Variants in PLCB4 observed in about 807,000 individuals in gnomAD.
PLCB4 encodes the protein phospholipase C beta 4, also known as 1-phosphatidylinositol 4,5-bisphosphate phosphodiesterase beta-4.
PLCB4 carries 77 observed loss-of-function variants against 178.8 expected under a neutral mutation model. The ratio of observed to expected loss-of-function variants is 0.43; its 90% CI spans 0.36 to 0.52. The LOEUF is 0.52. Ranked by LOEUF, PLCB4 falls within the 20% of genes least tolerant of loss-of-function variation. The pLI is 0.00. For missense variants in PLCB4, 1,024 were observed against 1,453.4 expected, an observed-to-expected ratio of 0.70 and a Z score of 4.80; for synonymous variants, 496 against 490.8, an observed-to-expected ratio of 1.01 and a Z score of -0.14.
chr20:9,200,670 T>C (rs1014444783), intron 2 of PLCB4, among the ~76,000 whole-genome samples: 3 of 152,178 alleles, frequency 2.0e-5, no homozygotes, highest in African/African-American at 7.2e-5. Context: ...CGTTGGTCTC[T>C]TCACCCTTGC....
chr20:9,146,938 T>G (rs927654444), intron 2 of PLCB4, among the ~76,000 whole-genome samples: 1 of 152,176 alleles, frequency 6.6e-6, no homozygotes, highest in African/African-American at 2.4e-5. Flanking sequence ...AACATTTATC[T>G]TTTATTTCTT....
rs1273732667 is a variant in PLCB4, at chr20:9,100,384, T to C, written c.-79+4042T>C. Reference sequence around the variant, plus strand: ...TTTAATTTTATTTGTTATTGTTAATTTTTTTTAGAGACAGGGTCTTGCTCT... The same window carrying C: ...TTTAATTTTATTTGTTATTGTTAATCTTTTTTAGAGACAGGGTCTTGCTCT... On this transcript the variant is annotated intron_variant, in intron 2 of 39. Coordinates refer to ENST00000378473, the MANE Select transcript of PLCB4 (RefSeq NM_001377142.1). Among the ~76,000 whole-genome samples, 4 of 152,300 alleles carry C rather than the reference T, an allele frequency of 2.6e-5. No homozygotes were observed. The East Asian group carries it at 7.7e-4, about 29-fold the overall frequency.
At chr20:9,452,716 C>G (rs933593427) in intron 32 of PLCB4, among the ~76,000 whole-genome samples, 2 of 152,108 alleles carry the variant, frequency 1.3e-5, no homozygotes, top group African/African-American at 2.4e-5. Flanking sequence ...ATCTGTAAAA[C>G]AGAAGGCCAT....
intron 12 of PLCB4, among the ~76,000 whole-genome samples, chr20:9,378,828 A>G (rs1225624857): frequency 1.3e-5 from 2 of 152,132 alleles, no homozygotes; most frequent in Admixed American, 6.6e-5. Flanking sequence ...CCCCATATGC[A>G]TGAGGAAATG....
intron 2 of PLCB4, among the ~76,000 whole-genome samples, chr20:9,146,398 G>T (rs996231067): frequency 6.6e-6 from 1 of 152,138 alleles, no homozygotes; most frequent in Non-Finnish European, 1.5e-5. Flanking sequence ...AAGACTAGGG[G>T]TGAGGGAGAA....
chr20:9,353,431 CT>C (rs1039928231), intron 7 of PLCB4, among the ~76,000 whole-genome samples: 1 of 152,182 alleles, frequency 6.6e-6, no homozygotes, highest in Non-Finnish European at 1.5e-5. Flanking sequence ...CTTGTCTGTC[CT>C]TGGTGGAGCC....
chr20:9,367,920 T>C (rs1037365293), intron 9 of PLCB4, among the ~76,000 whole-genome samples: 3 of 152,184 alleles, frequency 2.0e-5, no homozygotes, highest in African/African-American at 7.2e-5. Flanking sequence ...TAACAGGTGT[T>C]TGACACAAGA....
chr20:9,315,806 G>A (rs763650887), intron 4 of PLCB4, among the ~76,000 whole-genome samples: 25 of 152,062 alleles, frequency 1.6e-4, no homozygotes, highest in East Asian at 7.7e-4. Context: ...GGTGGTGCGC[G>A]CCTGTAGTCC....
At chr20:9,167,183 G>A (rs1323250032) in intron 2 of PLCB4, among the ~76,000 whole-genome samples, 1 of 151,750 alleles carries the variant, frequency 6.6e-6, no homozygotes, top group Non-Finnish European at 1.5e-5. Context: ...ACTGTGTGTG[G>A]GGACAGGGGA....
chr20:9,240,156 A>G (rs2094042395), intron 3 of PLCB4, among the ~76,000 whole-genome samples: 1 of 152,122 alleles, frequency 6.6e-6, no homozygotes, highest in African/African-American at 2.4e-5. Flanking sequence ...ACCATCACAT[A>G]GTAATAAACT....
chr20:9,385,307 C>T (rs1032693618), intron 14 of PLCB4, among the ~76,000 whole-genome samples: 2 of 152,332 alleles, frequency 1.3e-5, no homozygotes, highest in Middle Eastern at 3.4e-3. Flanking sequence ...GGCCCGTTCT[C>T]GATGGTCACT....
intron 21 of PLCB4, among the ~76,000 whole-genome samples, chr20:9,406,535 CT>C (rs1183598110): frequency 4.6e-5 from 7 of 151,000 alleles, no homozygotes; most frequent in Admixed American, 4.6e-4. Flanking sequence ...GTTGCCCAGG[CT>C]GGAGTGCAGT....
chr20:9,368,952 T>G (rs566345339), intron 9 of PLCB4, among the ~76,000 whole-genome samples: 15 of 152,310 alleles, frequency 9.8e-5, no homozygotes, highest in Non-Finnish European at 1.5e-4. Context: ...TGGGGCTATA[T>G]AGAGATTTGA....
chr20:9,375,974 G>A (rs1274066232), intron 12 of PLCB4, among the ~76,000 whole-genome samples: 2 of 152,086 alleles, frequency 1.3e-5, no homozygotes, highest in African/African-American at 2.4e-5. Context: ...TTCTATGAAA[G>A]TTTTTATTCA....
intron 2 of PLCB4, among the ~76,000 whole-genome samples, chr20:9,132,820 G>A (rs2092303157): frequency 6.6e-6 from 1 of 152,098 alleles, no homozygotes; most frequent in Admixed American, 6.5e-5. Flanking sequence ...CTCAACTAAG[G>A]GCAGTTTTGC....
intron 4 of PLCB4, among the ~76,000 whole-genome samples, chr20:9,320,728 G>T (rs916198950): frequency 6.6e-6 from 1 of 152,212 alleles, no homozygotes; most frequent in Non-Finnish European, 1.5e-5. Context: ...GGTTTCACAG[G>T]CTGGTTACAG....
intron 14 of PLCB4, among the ~76,000 whole-genome samples, chr20:9,387,198 A>G (rs938064313): frequency 2.0e-5 from 3 of 152,084 alleles, no homozygotes; most frequent in Non-Finnish European, 4.4e-5. Flanking sequence ...GTTTTGTCAC[A>G]AGTAGGATTT....
intron 3 of PLCB4, among the ~76,000 whole-genome samples, chr20:9,275,540 C>G (rs2094443163): frequency 6.6e-6 from 1 of 152,040 alleles, no homozygotes. Context: ...AGAACTCCAG[C>G]CTTGTTCTGT....
chr20:9,257,647 A>G (rs1243501059), intron 3 of PLCB4, among the ~76,000 whole-genome samples: 1 of 152,220 alleles, frequency 6.6e-6, no homozygotes, highest in Non-Finnish European at 1.5e-5. Context: ...TTTGATGGGT[A>G]CAAATGAAGA....
Sources: gnomAD v4.1 joint callset for allele counts (sites outside exome capture counted in the v4.1 genomes callset) on GRCh38, gnomAD v4.1.1 for gene constraint, MANE v1.5 for transcripts, NCBI Gene and HGNC (gene_info 2026-07-23, HGNC 2026-07-21) for gene names.